Variants in NGLY1 observed in about 807,000 individuals in gnomAD.
NGLY1 encodes the protein N-glycanase 1, also known as peptide-N(4)-(N-acetyl-beta-glucosaminyl)asparagine amidase.
NGLY1 carries 68 observed loss-of-function variants against 84.6 expected under a neutral mutation model. The observed-to-expected ratio is 0.80, with a 90% CI of 0.66 to 0.98. The LOEUF is 0.98. NGLY1 is among the 50% of genes least tolerant of loss of function. The probability of loss-of-function intolerance (pLI) is 0.00; values close to 1 mark genes in which losing one functional copy is unlikely to be tolerated. For synonymous variants in NGLY1, 280 were observed against 275.2 expected (o/e 1.02, Z -0.17); for missense variants, 779 against 770.2 (o/e 1.01, Z -0.14).
At chr3:25,742,884 CAAAAA>C (rs34669504) in intron 4 of NGLY1, among the ~76,000 whole-genome samples, 2 of 63,310 alleles carry the variant, frequency 3.2e-5, no homozygotes, top group African/African-American at 1.3e-4. Context: ...CCTTATGTGG[CAAAAA>C]AAAAAAAAAA....
At chr3:25,759,019 TG>T (rs2125534345) in intron 3 of NGLY1, among the ~76,000 whole-genome samples, 1 of 152,300 alleles carries the variant, frequency 6.6e-6, no homozygotes, top group Non-Finnish European at 1.5e-5. Context: ...GTGATTCCAG[TG>T]GAACAACCTT....
chr3:25,780,146 G>C (rs533257953), intron 1 of NGLY1, among the ~76,000 whole-genome samples: 1 of 152,162 alleles, frequency 6.6e-6, no homozygotes, highest in Non-Finnish European at 1.5e-5. Context: ...ACAGATGGTT[G>C]TGAAATACAA....
At chr3:25,743,288 T>A (rs900417536) in intron 4 of NGLY1, among the ~76,000 whole-genome samples, 2 of 152,200 alleles carry the variant, frequency 1.3e-5, no homozygotes, top group African/African-American at 4.8e-5. Context: ...TAATTTGTTA[T>A]AGTAGCCCCA....
At chr3:25,761,833 C>G (rs1242912382) in intron 3 of NGLY1, among the ~76,000 whole-genome samples, 1 of 152,004 alleles carries the variant, frequency 6.6e-6, no homozygotes, top group African/African-American at 2.4e-5. Context: ...TGAATGGAAA[C>G]AATATGTGGC....
chr3:25,786,897 T>C (rs1708618410), upstream of NGLY1, among the ~76,000 whole-genome samples: 1 of 152,270 alleles, frequency 6.6e-6, no homozygotes. Flanking sequence ...ATTCATTCCA[T>C]AATTCATTCA....
intron 9 of NGLY1, 36 bp from the exon 10 acceptor site, chr3:25,729,354 T>A: frequency 8.0e-7 from 1 of 1,249,530 alleles, no homozygotes; most frequent in Non-Finnish European, 1.0e-6. Context: ...TTCAACATTA[T>A]GAAAGATGTA....
Position 25,736,043 on chromosome 3 carries a change from G to C in NGLY1, c.1110C>G (p.Gly370=). The C allele has an allele frequency of 1.2e-6, 2 of 1,613,628 alleles. No individual in the cohort carries two copies. Among genetic ancestry groups the C allele is most frequent in the Non-Finnish European group, 8.5e-7 (1 of 1,179,754 alleles). The change falls in exon 7 of 12, where the codon GGC becomes GGG. Residue 370 remains glycine, a synonymous_variant. Transcript: ENST00000280700. ...ATGCTATGACATAGGAAAGCTTCTT[G>C]CCCCATCCTATTTCATAAAGGAGTG... The part of the protein sequence containing the change: ...DKPLLYEIGW[G]KKLSYVIAFS...
chr3:25,730,943 C>G (rs1705507073), intron 9 of NGLY1, among the ~76,000 whole-genome samples: 1 of 152,046 alleles, frequency 6.6e-6, no homozygotes, highest in South Asian at 2.1e-4. Flanking sequence ...CTTTAGCTCC[C>G]TAAGGGCAAA....
At chr3:25,789,451 A>G (rs1416197843) in intron 1 of NGLY1, among the ~76,000 whole-genome samples, 2 of 152,228 alleles carry the variant, frequency 1.3e-5, no homozygotes, top group Non-Finnish European at 2.9e-5. Flanking sequence ...CTAAGCAAAA[A>G]TAAGGAGGGA....
At chr3:25,729,035 A>C in intron 10 of NGLY1, 98 bp downstream of exon 10, 1 of 762,770 alleles carries the variant, frequency 1.3e-6, no homozygotes, top group South Asian at 4.7e-5. Context: ...TAAGTTTGAT[A>C]TATCAGTTTT....
chr3:25,742,084 T>A (rs191638384), intron 4 of NGLY1, among the ~76,000 whole-genome samples: 1 of 152,230 alleles, frequency 6.6e-6, no homozygotes, highest in African/African-American at 2.4e-5. Flanking sequence ...ATTCACAAAG[T>A]CCATAAAAGA....
intron 2 of NGLY1, among the ~76,000 whole-genome samples, chr3:25,774,179 A>T (rs182345599): frequency 6.6e-6 from 1 of 152,184 alleles, no homozygotes; most frequent in Non-Finnish European, 1.5e-5. Context: ...TAGCTGTTGT[A>T]TTCTCTTTTC....
chr3:25,757,521 TTAA>T (rs1190254431), intron 3 of NGLY1, among the ~76,000 whole-genome samples: 1 of 152,202 alleles, frequency 6.6e-6, no homozygotes, highest in African/African-American at 2.4e-5. Context: ...TCCAAGGCTA[TTAA>T]TAAAAATTTG....
chr3:25,749,379 C>T, intron 4 of NGLY1: 1 of 658,162 alleles, frequency 1.5e-6, no homozygotes, highest in African/African-American at 1.8e-5. Context: ...AATGGATATG[C>T]AAAATGTGAT....
chr3:25,737,520 C>T (rs1705899218), intron 5 of NGLY1, 65 bp from the exon 6 acceptor site: 3 of 1,372,056 alleles, frequency 2.2e-6, no homozygotes, highest in African/African-American at 2.9e-5. Flanking sequence ...TTTACATTAC[C>T]TCTATGCTAA....
chr3:25,767,287 G>A lies in NGLY1; in HGVS notation c.247-2976C>T, dbSNP rs150928751. On this transcript the variant is annotated intron_variant, in intron 2 of 11. Coordinates refer to ENST00000280700, the MANE Select transcript of NGLY1 (RefSeq NM_018297.4). ...AGCCTGGGCGATAGAACTAGACTCCGTCTCAAAAAAAAAAAAAAAGAAATC... is the reference window on the plus strand; with the variant it reads ...AGCCTGGGCGATAGAACTAGACTCCATCTCAAAAAAAAAAAAAAAGAAATC... Among the ~76,000 whole-genome samples the A allele has an allele frequency of 2.4e-3, 345 of 145,724 alleles. 2 individuals carry two copies. Among genetic ancestry groups the A allele is most frequent in the African/African-American group, 8.0e-3 (317 of 39,382 alleles).
chr3:25,773,068 CT>C (rs1707975481), intron 2 of NGLY1, among the ~76,000 whole-genome samples: 1 of 152,092 alleles, frequency 6.6e-6, no homozygotes, highest in African/African-American at 2.4e-5. Flanking sequence ...AGATTATTTC[CT>C]TTGTCTTGAC....
At chr3:25,750,614 G>C (rs1706684636) in intron 4 of NGLY1, among the ~76,000 whole-genome samples, 1 of 151,896 alleles carries the variant, frequency 6.6e-6, no homozygotes, top group Non-Finnish European at 1.5e-5. Context: ...CTTAAAAATG[G>C]GTAAGATGGT....
chr3:25,758,851 G>A (rs1263902363), intron 3 of NGLY1, among the ~76,000 whole-genome samples: 3 of 152,176 alleles, frequency 2.0e-5, no homozygotes, highest in African/African-American at 4.8e-5. Context: ...AGGGCATGGA[G>A]GACCAGGGAT....
Sources: allele counts gnomAD v4.1 joint callset (sites outside exome capture counted in the v4.1 genomes callset), GRCh38; gene constraint gnomAD v4.1.1; transcripts MANE v1.5; gene names NCBI Gene and HGNC (gene_info 2026-07-23, HGNC 2026-07-21).